Variants in KCNE2 observed in about 807,000 individuals in gnomAD.
The protein encoded by KCNE2 is potassium voltage-gated channel subfamily E regulatory subunit 2, also known as potassium voltage-gated channel subfamily E member 2.
A neutral mutation model predicts 4.5 loss-of-function variants in KCNE2; 4 were observed. That is an observed-to-expected ratio of 0.89 (90% CI 0.44 to 2.03). The LOEUF (loss-of-function observed/expected upper bound fraction) is 2.03, where lower values mean the gene tolerates loss of function less well. Among genes scored for constraint, KCNE2 ranks in the 30% most tolerant of loss-of-function variants. The pLI is 0.03. For synonymous variants in KCNE2, 57 were observed against 55.9 expected (o/e 1.02, Z -0.09); for missense variants, 137 against 151.4 (o/e 0.90, Z 0.50).
intron 1 of KCNE2, among the ~76,000 whole-genome samples, chr21:34,364,964 CT>C (rs1454246961): frequency 6.6e-6 from 1 of 152,138 alleles, no homozygotes; most frequent in Admixed American, 6.5e-5. Flanking sequence ...AAATCATGGT[CT>C]TGATCTTATG....
intron 1 of KCNE2, among the ~76,000 whole-genome samples, chr21:34,368,229 A>ACAATATATATATATATATAT (rs781775671): frequency 1.2e-5 from 1 of 84,810 alleles, no homozygotes; most frequent in Non-Finnish European, 2.0e-5. Context: ...ACACACACAC[A>ACAATATATATATATATATAT]ATATATATAT....
rs1316451468 is a variant in KCNE2, at chr21:34,370,593, G to A, written c.115G>A (p.Ala39Thr). 1 of 1,614,176 alleles carries A rather than the reference G, an allele frequency of 6.2e-7. No homozygotes were observed. The highest frequency in any genetic ancestry group is 8.5e-7 in the Non-Finnish European group (1 of 1,180,032). Residue 39 changes from alanine (A) to threonine (T), a missense_variant, in exon 2 of 2, where the codon GCC becomes ACC. Physicochemically the swap from Ala to Thr is moderately conservative, Grantham distance 58 (BLOSUM62 0). Coordinates refer to ENST00000290310, the MANE Select transcript of KCNE2 (RefSeq NM_172201.2). ...NTTAEQEALQ[A>T]KVDAENFYYV... ...AACAGCTGAGCAAGAGGCCCTCCAA[G>A]CCAAAGTTGATGCTGAGAACTTCTA...
intron 1 of KCNE2, among the ~76,000 whole-genome samples, chr21:34,365,254 G>T (rs1979242288): frequency 6.6e-6 from 1 of 152,166 alleles, no homozygotes; most frequent in Non-Finnish European, 1.5e-5. Context: ...TGGAAATGTA[G>T]GTCCTCCTAG....
chr21:34,368,805 C>T (rs56307674), intron 1 of KCNE2, among the ~76,000 whole-genome samples: 19,493 of 151,864 alleles, frequency 0.13, 1,689 homozygotes, highest in Middle Eastern at 0.22. Flanking sequence ...TGTGAGGTTA[C>T]CAATTTTTTT....
chr21:34,365,521 G>A (rs1979254364), intron 1 of KCNE2, among the ~76,000 whole-genome samples: 1 of 152,182 alleles, frequency 6.6e-6, no homozygotes, highest in Non-Finnish European at 1.5e-5. Flanking sequence ...GACCTCCCAG[G>A]TTCAAGCTAT....
intron 1 of KCNE2, among the ~76,000 whole-genome samples, chr21:34,364,606 C>T (rs1422441489): frequency 6.6e-6 from 1 of 151,976 alleles, no homozygotes; most frequent in African/African-American, 2.4e-5. Context: ...CCCATCTCTA[C>T]TAAAAATACA....
At position 34,370,638 on chromosome 21, in the gene KCNE2, A is replaced by ATGG. The variant is rs756730160; in HGVS notation, c.163_165dup (p.Val55dup). On this transcript the variant is annotated inframe_insertion, in exon 2 of 2. Coordinates refer to ENST00000290310, the MANE Select transcript of KCNE2 (RefSeq NM_172201.2). ...CTTCTACTATGTCATCCTGTACCTC[A>ATGG]TGGTGATGATTGGAATGTTCTCTTT... is the stretch of plus-strand genomic sequence containing the variant. 8.1e-6 allele frequency: 13 copies of ATGG among 1,614,202 alleles called. No individual in the cohort carries two copies. The highest frequency in any genetic ancestry group is 1.1e-5 in the Non-Finnish European group (13 of 1,180,028).
intron 1 of KCNE2, among the ~76,000 whole-genome samples, chr21:34,366,953 T>G (rs1262424940): frequency 9.5e-6 from 1 of 104,772 alleles, no homozygotes; most frequent in Non-Finnish European, 1.7e-5. Flanking sequence ...CACTCCAGCC[T>G]GGGCAAAAGA....
chr21:34,364,676 G>A (rs1314884580), intron 1 of KCNE2, among the ~76,000 whole-genome samples: 1 of 151,986 alleles, frequency 6.6e-6, no homozygotes, highest in East Asian at 1.9e-4. Context: ...AGGAAGCTGA[G>A]GCAGGAGAAC....
At chr21:34,364,633 C>T (rs533137014) in intron 1 of KCNE2, among the ~76,000 whole-genome samples, 7 of 151,996 alleles carry the variant, frequency 4.6e-5, no homozygotes, top group Non-Finnish European at 1.0e-4. Context: ...ATTAGCCTGG[C>T]GTGGTGGCTG....
At chr21:34,368,229 AATATATATATATATATATAT>A (rs10596236) in intron 1 of KCNE2, among the ~76,000 whole-genome samples, 13 of 84,810 alleles carry the variant, frequency 1.5e-4, no homozygotes, top group African/African-American at 3.0e-4. Flanking sequence ...ACACACACAC[AATATATATATATATATATAT>A]ATATATATAT....
At chr21:34,364,783 A>AAAG (rs1308171082) in intron 1 of KCNE2, among the ~76,000 whole-genome samples, 25 of 151,886 alleles carry the variant, frequency 1.6e-4, no homozygotes, top group Admixed American at 1.3e-3. Context: ...AAAAAAAAAA[A>AAAG]AAAGAAAGAA....
Position 34,370,704 on chromosome 21 carries a change from A to G in KCNE2, c.226A>G (p.Arg76Gly). The G allele has an allele frequency of 1.2e-6, 2 of 1,614,220 alleles. No homozygotes were observed. The highest frequency in any genetic ancestry group is 1.7e-6 in the Non-Finnish European group (2 of 1,180,046). ...CCTGGTGAGCACTGTGAAATCCAAG[A>G]GACGGGAACACTCCAATGACCCCTA... is the stretch of plus-strand genomic sequence containing the variant. ...AILVSTVKSK[R>G]REHSNDPYHQ... is the part of the protein sequence containing the mutation. The change falls in exon 2 of 2, where the codon AGA becomes GGA. Residue 76 changes from arginine (R) to glycine (G), a missense_variant. Physicochemically the swap from Arg to Gly is moderately radical, Grantham distance 125. Transcript: ENST00000290310.
At chr21:34,368,436 T>C (rs563703579) in intron 1 of KCNE2, among the ~76,000 whole-genome samples, 174 of 151,644 alleles carry the variant, frequency 1.1e-3, no homozygotes, top group African/African-American at 3.9e-3. Context: ...CCGTCTCTAC[T>C]AAAAATACAA....
Position 34,370,654 on chromosome 21 carries a change from T to A in KCNE2, c.176T>A (p.Met59Lys). 6.2e-7 allele frequency: 1 copy of A among 1,614,232 alleles called. No homozygotes were observed. Among genetic ancestry groups the A allele is most frequent in the South Asian group, 1.1e-5 (1 of 91,090 alleles). Residue 59 changes from methionine to lysine, a missense_variant, in exon 2 of 2, where the codon ATG (methionine) becomes AAG (lysine). Physicochemically the swap from Met to Lys is moderately conservative, Grantham distance 95. Coordinates refer to ENST00000290310, the MANE Select transcript of KCNE2 (RefSeq NM_172201.2). Reference protein sequence around the residue: ...VILYLMVMIGMFSFIIVAILV... With the variant: ...VILYLMVMIGKFSFIIVAILV... ...CTGTACCTCATGGTGATGATTGGAA[T>A]GTTCTCTTTCATCATCGTGGCCATC...
At position 34,364,155 on chromosome 21, in the gene KCNE2, A is replaced by G. The variant is rs1489844155; in HGVS notation, c.-13+4A>G. 1 of 152,210 alleles carries G rather than the reference A, an allele frequency of 6.6e-6. No homozygotes were observed. The highest frequency in any genetic ancestry group is 1.5e-5 in the Non-Finnish European group (1 of 68,034). The allele number at this position is 152,210 out of a possible 1,614,324, so 9.4% of individuals were successfully genotyped here. On this transcript the variant is annotated splice_donor_region_variant and intron_variant, in intron 1 of 1. Coordinates refer to ENST00000290310, the MANE Select transcript of KCNE2 (RefSeq NM_172201.2). ...ATCCTGCCCACACACTGCATAGGTA[A>G]GTCTTAGCACACATTCTTTATTTTT...
intron 1 of KCNE2, among the ~76,000 whole-genome samples, chr21:34,366,702 G>C (rs115318734): frequency 6.6e-6 from 1 of 151,900 alleles, no homozygotes. Context: ...AAACAAGGCC[G>C]GGCACGGTGG....
chr21:34,364,495 C>T (rs1229356926), intron 1 of KCNE2, among the ~76,000 whole-genome samples: 4 of 152,206 alleles, frequency 2.6e-5, no homozygotes, highest in East Asian at 1.9e-4. Flanking sequence ...TGGGGCTGGG[C>T]GCGGTGGCTC....
At position 34,368,875 on chromosome 21, in the gene KCNE2, CTTTTGAAGAAAAAGGAGATG is replaced by C. The variant is rs2123422108; in HGVS notation, c.-12-1591_-12-1572del. Among the ~76,000 whole-genome samples the C allele has an allele frequency of 2.6e-5, 4 of 152,128 alleles. No homozygotes were observed. In the East Asian group the frequency reaches 7.7e-4, roughly 29 times the overall value. On this transcript the variant is annotated intron_variant, in intron 1 of 1. Coordinates refer to ENST00000290310, the MANE Select transcript of KCNE2 (RefSeq NM_172201.2). The stretch of plus-strand genomic sequence containing the variant: ...TTAGTGACTGCATATGTGATGTGTG[CTTTTGAAGAAAAAGGAGATG>C]CTGTTGGAGGAAAATGGTGGTGGTG...
Sources: allele counts gnomAD v4.1 joint callset (sites outside exome capture counted in the v4.1 genomes callset), GRCh38; gene constraint gnomAD v4.1.1; transcripts MANE v1.5; gene names NCBI Gene and HGNC (gene_info 2026-07-23, HGNC 2026-07-21).